Variants in FMN2 observed in about 807,000 individuals in gnomAD.
FMN2 encodes the protein formin 2.
A neutral mutation model predicts 142.3 loss-of-function variants in FMN2; 51 were observed. That is an observed-to-expected ratio of 0.36 (90% confidence interval 0.29 to 0.45). The LOEUF is 0.45. Ranked by LOEUF, FMN2 falls within the 20% of genes least tolerant of loss-of-function variation. The probability of loss-of-function intolerance (pLI) is 1.00; values close to 1 mark genes in which losing one functional copy is unlikely to be tolerated. For synonymous variants in FMN2, 882 were observed against 869.8 expected, an observed-to-expected ratio of 1.01 and a Z score of -0.25; for missense variants, 1,936 against 2,122.8, an observed-to-expected ratio of 0.91 and a Z score of 1.73.
chr1:240,346,145 T>C (rs899995562), intron 13 of FMN2, among the ~76,000 whole-genome samples: 1 of 152,124 alleles, frequency 6.6e-6, no homozygotes, highest in Non-Finnish European at 1.5e-5. Context: ...CCCTTATCTG[T>C]GGGGAGTAAG....
At chr1:240,143,436 A>G (rs1663282432) in intron 2 of FMN2, 3 of 1,435,962 alleles carry the variant, frequency 2.1e-6, no homozygotes, top group Non-Finnish European at 2.9e-6. Context: ...CCACTCCCTG[A>G]TGTGCTCCCA....
chr1:240,371,049 C>T (rs1388286546), intron 14 of FMN2, among the ~76,000 whole-genome samples: 1 of 152,170 alleles, frequency 6.6e-6, no homozygotes, highest in Non-Finnish European at 1.5e-5. Context: ...GGCAATTCTC[C>T]TGCCTCAGCC....
chr1:240,403,614 CT>C (rs560703599), intron 15 of FMN2, among the ~76,000 whole-genome samples: 2 of 150,754 alleles, frequency 1.3e-5, no homozygotes, highest in Admixed American at 6.6e-5. Flanking sequence ...AAATAGAAGT[CT>C]TTTTTTTTCC....
At chr1:240,466,040 G>A (rs1676610836) in intron 16 of FMN2, among the ~76,000 whole-genome samples, 1 of 152,214 alleles carries the variant, frequency 6.6e-6, no homozygotes. Context: ...AGAAACTGCT[G>A]TCGTTGTTTA....
intron 7 of FMN2, among the ~76,000 whole-genome samples, chr1:240,275,467 AT>A (rs887579019): frequency 6.6e-4 from 97 of 147,130 alleles, no homozygotes; most frequent in African/African-American, 2.0e-3. Context: ...TATGTGCCAC[AT>A]TTTTTTTTTA....
chr1:240,138,537 TA>T (rs879819666), intron 2 of FMN2, among the ~76,000 whole-genome samples: 219 of 143,234 alleles, frequency 1.5e-3, no homozygotes, highest in Middle Eastern at 3.6e-3. Flanking sequence ...TCATCTCTAC[TA>T]AAAAAAAAAA....
At chr1:240,370,712 A>T (rs1252005063) in intron 14 of FMN2, among the ~76,000 whole-genome samples, 1 of 151,808 alleles carries the variant, frequency 6.6e-6, no homozygotes, top group African/African-American at 2.4e-5. Flanking sequence ...CCAAATTATC[A>T]CTTTTTTTCC....
chr1:240,180,707 C>T (rs1411371310), intron 3 of FMN2, among the ~76,000 whole-genome samples: 2 of 151,396 alleles, frequency 1.3e-5, no homozygotes, highest in Non-Finnish European at 2.9e-5. Context: ...GCTGGGATTA[C>T]ATGCGCCCAA....
At chr1:240,431,609 T>G (rs1055446812) in intron 15 of FMN2, among the ~76,000 whole-genome samples, 1 of 151,472 alleles carries the variant, frequency 6.6e-6, no homozygotes, top group African/African-American at 2.4e-5. Flanking sequence ...TTTTCATAGA[T>G]AGTATTTATC....
chr1:240,369,437 C>T (rs1672790463), intron 14 of FMN2, among the ~76,000 whole-genome samples: 1 of 152,086 alleles, frequency 6.6e-6, no homozygotes, highest in Non-Finnish European at 1.5e-5. Flanking sequence ...TTTTGGTTTA[C>T]ATTTAACCAA....
chr1:240,217,043 C>A (rs1378180017), intron 6 of FMN2, among the ~76,000 whole-genome samples: 6 of 152,190 alleles, frequency 3.9e-5, no homozygotes, highest in Non-Finnish European at 8.8e-5. Context: ...AACGTAATAC[C>A]TGTAAGTGTT....
chr1:240,143,105 G>A, intron 2 of FMN2: 5 of 1,539,852 alleles, frequency 3.2e-6, no homozygotes, highest in Non-Finnish European at 4.5e-6. Flanking sequence ...CCTGTGCCAA[G>A]TGCACCATGA....
chr1:240,137,625 G>A lies in FMN2; in HGVS notation c.1782+14280G>A, dbSNP rs1333267823. Among the ~76,000 whole-genome samples, 5 of 152,188 alleles carry A rather than the reference G, an allele frequency of 3.3e-5. No homozygotes were observed. In the South Asian group the frequency reaches 8.3e-4, roughly 25 times the overall value. ...GGAATTTTTCTATGAAAAATATAGGGCCTTTTCTTGTTCTTGTGTAGCTTA... is the reference window on the plus strand; with the variant it reads ...GGAATTTTTCTATGAAAAATATAGGACCTTTTCTTGTTCTTGTGTAGCTTA... On this transcript the variant is annotated intron_variant, in intron 2 of 17. Transcript: ENST00000319653.
At chr1:240,356,350 G>A (rs1410813593) in intron 14 of FMN2, among the ~76,000 whole-genome samples, 1 of 151,900 alleles carries the variant, frequency 6.6e-6, no homozygotes, top group African/African-American at 2.4e-5. Flanking sequence ...GATGTTGTTC[G>A]GATCTTCAGA....
rs140788517 is a variant in FMN2 at position 240,275,201 on chromosome 1, C to T, written c.4153+17169C>T. 1.3e-3 allele frequency among the ~76,000 whole-genome samples: 193 copies of T among 151,730 alleles called. No individual in the cohort carries two copies. The East Asian group carries it at 0.015, about 11-fold the overall frequency. On this transcript the variant is annotated intron_variant, in intron 7 of 17. Transcript: ENST00000319653. The stretch of plus-strand genomic sequence containing the variant: ...TTTTGCTGCATGCATCAACCCGTCA[C>T]CTACATTAGGTATTTCTCCTAATGC...
At chr1:240,219,567 CTTTAA>C (rs772317169) in intron 6 of FMN2, among the ~76,000 whole-genome samples, 3 of 152,004 alleles carry the variant, frequency 2.0e-5, no homozygotes, top group Admixed American at 6.6e-5. Flanking sequence ...TCTTTAGTTT[CTTTAA>C]TTTAAAACTT....
intron 7 of FMN2, among the ~76,000 whole-genome samples, chr1:240,292,784 C>G (rs561074454): frequency 1.3e-5 from 2 of 152,270 alleles, no homozygotes; most frequent in South Asian, 4.1e-4. Flanking sequence ...CAAATTGCTT[C>G]TTTTACCTTT....
intron 7 of FMN2, among the ~76,000 whole-genome samples, chr1:240,282,369 T>C (rs1036451926): frequency 5.9e-5 from 9 of 152,336 alleles, no homozygotes; most frequent in African/African-American, 2.2e-4. Context: ...ATTGGTGAGT[T>C]AAGACTTCTC....
chr1:240,323,885 T>G (rs1310310504), intron 8 of FMN2, among the ~76,000 whole-genome samples: 1 of 152,208 alleles, frequency 6.6e-6, no homozygotes, highest in East Asian at 1.9e-4. Context: ...CATGTCTGAC[T>G]TAAGGACAGC....
Sources: gnomAD v4.1 joint callset for allele counts (sites outside exome capture counted in the v4.1 genomes callset) on GRCh38, gnomAD v4.1.1 for gene constraint, MANE v1.5 for transcripts, NCBI Gene and HGNC (gene_info 2026-07-23, HGNC 2026-07-21) for gene names.